Variants in SOX5 observed in about 807,000 individuals in gnomAD.
SOX5 encodes SRY-box transcription factor 5.
Under a neutral mutation model 92.0 loss-of-function variants are expected in SOX5, and 9 were observed. That is an observed-to-expected ratio of 0.10 (90% CI 0.06 to 0.17). The LOEUF is 0.17. Among genes scored for constraint, SOX5 ranks in the 10% least tolerant of loss-of-function variants. SOX5 has a pLI of 1.00. For missense variants in SOX5, 642 were observed against 944.5 expected (o/e 0.68, Z 4.20); for synonymous variants, 344 against 336.3 (o/e 1.02, Z -0.25).
chr12:23,722,125 C>A (rs2140583015), intron 6 of SOX5, among the ~76,000 whole-genome samples: 1 of 152,260 alleles, frequency 6.6e-6, no homozygotes, highest in East Asian at 1.9e-4. Context: ...TACACATAAG[C>A]CTAATCACTG....
At chr12:23,631,629 A>G (rs1402046190) in intron 8 of SOX5, among the ~76,000 whole-genome samples, 1 of 152,142 alleles carries the variant, frequency 6.6e-6, no homozygotes, top group Non-Finnish European at 1.5e-5. Context: ...AGGAATGGGC[A>G]TGGACTTGTG....
chr12:24,222,904 T>C (rs1960842893), intron 3 of SOX5, among the ~76,000 whole-genome samples: 1 of 152,168 alleles, frequency 6.6e-6, no homozygotes, highest in Admixed American at 6.5e-5. Context: ...TTGCTTGGAA[T>C]AGACACCCTA....
chr12:23,801,189 A>G (rs562315446), intron 3 of SOX5, among the ~76,000 whole-genome samples: 202 of 152,324 alleles, frequency 1.3e-3, no homozygotes, highest in African/African-American at 4.6e-3. Context: ...AATCCAGTGC[A>G]TAGGACTTAT....
chr12:23,845,696 G>C (rs1280399127), intron 3 of SOX5, among the ~76,000 whole-genome samples: 1 of 152,124 alleles, frequency 6.6e-6, no homozygotes, highest in Non-Finnish European at 1.5e-5. Flanking sequence ...ACAAGCAGGT[G>C]ACTATTCCCG....
chr12:24,050,425 A>T (rs1271881256), intron 4 of SOX5, among the ~76,000 whole-genome samples: 2 of 152,178 alleles, frequency 1.3e-5, no homozygotes, highest in African/African-American at 4.8e-5. Context: ...TCAGTGAAAT[A>T]AATGTGAGGG....
At chr12:23,906,264 A>C (rs2097292275) in intron 1 of SOX5, among the ~76,000 whole-genome samples, 2 of 152,244 alleles carry the variant, frequency 1.3e-5, no homozygotes, top group African/African-American at 4.8e-5. Flanking sequence ...AATTACTTAG[A>C]ATAATCTAGC....
At chr12:24,097,853 G>A (rs1945612179) in intron 4 of SOX5, among the ~76,000 whole-genome samples, 1 of 152,016 alleles carries the variant, frequency 6.6e-6, no homozygotes. Flanking sequence ...TTATTAAAAT[G>A]TAAAAGTCTA....
intron 3 of SOX5, among the ~76,000 whole-genome samples, chr12:24,244,078 A>G (rs563564085): frequency 6.6e-6 from 1 of 151,450 alleles, no homozygotes; most frequent in East Asian, 1.9e-4. Context: ...AAAAGGTTGG[A>G]CATTTTACAC....
chr12:24,228,035 C>T (rs945191430), intron 3 of SOX5, among the ~76,000 whole-genome samples: 1 of 152,092 alleles, frequency 6.6e-6, no homozygotes, highest in Admixed American at 6.6e-5. Flanking sequence ...TCTGGGGAAC[C>T]GAATGGGTGC....
At chr12:23,938,791 C>T (rs556566024) in intron 1 of SOX5, among the ~76,000 whole-genome samples, 2 of 150,944 alleles carry the variant, frequency 1.3e-5, no homozygotes, top group Non-Finnish European at 3.0e-5. Flanking sequence ...TTTAAGTACA[C>T]GTTACCTGGG....
intron 1 of SOX5, among the ~76,000 whole-genome samples, chr12:23,940,127 C>G (rs1479818838): frequency 6.6e-6 from 1 of 151,092 alleles, no homozygotes; most frequent in Non-Finnish European, 1.5e-5. Context: ...CATATTTCCC[C>G]ATAGTGTCTT....
intron 9 of SOX5, chr12:23,584,678 G>T (rs1383188899): frequency 9.0e-7 from 1 of 1,113,878 alleles, no homozygotes; most frequent in South Asian, 1.3e-5. Context: ...TTTGGGAGAT[G>T]AGTGAAGGCC....
intron 4 of SOX5, among the ~76,000 whole-genome samples, chr12:24,184,527 T>A (rs1955831921): frequency 6.6e-6 from 1 of 152,130 alleles, no homozygotes; most frequent in East Asian, 1.9e-4. Flanking sequence ...CATGTTACTT[T>A]CAAAATACTA....
chr12:23,889,737 AG>A (rs1183696641), intron 2 of SOX5, among the ~76,000 whole-genome samples: 1 of 152,210 alleles, frequency 6.6e-6, no homozygotes, highest in Non-Finnish European at 1.5e-5. Context: ...GATGGACTTC[AG>A]GAAGAAAACT....
chr12:24,505,899 G>C (rs956020300), intron 1 of SOX5, among the ~76,000 whole-genome samples: 7 of 101,654 alleles, frequency 6.9e-5, no homozygotes, highest in Admixed American at 2.3e-4. Flanking sequence ...GATGAGTCTA[G>C]TGCAACCCCA....
At chr12:23,545,886 A>C (rs555123352) in intron 12 of SOX5, among the ~76,000 whole-genome samples, 18 of 151,744 alleles carry the variant, frequency 1.2e-4, no homozygotes, top group African/African-American at 4.1e-4. Context: ...AAAAAAAAAA[A>C]CAAAATTGCT....
At chr12:23,998,639 C>T (rs911627479) in intron 4 of SOX5, among the ~76,000 whole-genome samples, 1 of 151,494 alleles carries the variant, frequency 6.6e-6, no homozygotes, top group Non-Finnish European at 1.5e-5. Context: ...CCCATCTCTA[C>T]TAAAATACAA....
chr12:24,472,767 T>C (rs1212537066), intron 1 of SOX5, among the ~76,000 whole-genome samples: 1 of 152,118 alleles, frequency 6.6e-6, no homozygotes, highest in African/African-American at 2.4e-5. Context: ...TACTACCTTA[T>C]GTTAATTAAC....
intron 1 of SOX5, among the ~76,000 whole-genome samples, chr12:24,480,211 G>A (rs180936796): frequency 6.6e-6 from 1 of 152,124 alleles, no homozygotes; most frequent in Non-Finnish European, 1.5e-5. Flanking sequence ...ATATCCCTGT[G>A]CAGAAGAATG....
Sources: gnomAD v4.1 joint callset for allele counts (sites outside exome capture counted in the v4.1 genomes callset) on GRCh38, gnomAD v4.1.1 for gene constraint, MANE v1.5 for transcripts, NCBI Gene and HGNC (gene_info 2026-07-23, HGNC 2026-07-21) for gene names.